Variants in COL25A1 observed in about 807,000 individuals in gnomAD.
COL25A1 encodes the protein collagen alpha-1(XXV) chain.
In COL25A1, 103 loss-of-function variants were observed where a neutral mutation model predicts 128.4. That is an observed-to-expected ratio of 0.80 (90% CI 0.68 to 0.94). COL25A1 has a LOEUF of 0.94. COL25A1 is among the 40% of genes least tolerant of loss of function. COL25A1 has a pLI of 0.00. For missense variants in COL25A1, 745 were observed against 840.0 expected (o/e 0.89, Z 1.40); for synonymous variants, 279 against 277.2 (o/e 1.01, Z -0.06).
intron 22 of COL25A1, 64 bp from the exon 23 acceptor site, chr4:108,861,035 G>A (rs1737149165): frequency 7.0e-7 from 1 of 1,423,806 alleles, no homozygotes; most frequent in South Asian, 1.1e-5. Flanking sequence ...TCTCGTGTAA[G>A]AACATGTTTA....
chr4:109,120,689 G>A (rs1380170224), intron 3 of COL25A1, among the ~76,000 whole-genome samples: 2 of 151,832 alleles, frequency 1.3e-5, no homozygotes, highest in Non-Finnish European at 2.9e-5. Flanking sequence ...TGCACCTGTT[G>A]TCTCAGCTAC....
At chr4:108,835,474 A>G (rs1178444890) in intron 31 of COL25A1, among the ~76,000 whole-genome samples, 1 of 152,222 alleles carries the variant, frequency 6.6e-6, no homozygotes, top group African/African-American at 2.4e-5. Flanking sequence ...GTTATTCTAC[A>G]TACATTTTGA....
chr4:108,928,991 G>A (rs1746412948), intron 11 of COL25A1, among the ~76,000 whole-genome samples: 1 of 152,182 alleles, frequency 6.6e-6, no homozygotes. Context: ...AACCTTGGCT[G>A]TTTCCTTTTC....
intron 3 of COL25A1, among the ~76,000 whole-genome samples, chr4:109,078,899 G>A (rs1763604723): frequency 6.6e-6 from 1 of 152,192 alleles, no homozygotes; most frequent in Non-Finnish European, 1.5e-5. Flanking sequence ...TGTGAGTTCT[G>A]GGGAAAGAGT....
At chr4:108,876,333 A>G (rs535456209) in intron 19 of COL25A1, among the ~76,000 whole-genome samples, 1 of 152,146 alleles carries the variant, frequency 6.6e-6, no homozygotes, top group East Asian at 1.9e-4. Flanking sequence ...AGAGGAAGAC[A>G]AGAGGAGAGA....
At chr4:109,109,131 A>T (rs1766742402) in intron 3 of COL25A1, among the ~76,000 whole-genome samples, 1 of 151,884 alleles carries the variant, frequency 6.6e-6, no homozygotes, top group South Asian at 2.1e-4. Context: ...TTGCTCTATC[A>T]CCCAGGCTTT....
In COL25A1 at chr4:109,128,405, T is replaced by C. The variant is rs146763619; in HGVS notation, c.368-78226A>G. 1.1e-4 allele frequency among the ~76,000 whole-genome samples: 16 copies of C among 152,248 alleles called. No homozygotes were observed. The East Asian group carries it at 2.5e-3, about 24-fold the overall frequency. On this transcript the variant is annotated intron_variant, in intron 3 of 37. Coordinates refer to ENST00000399132, the MANE Select transcript of COL25A1 (RefSeq NM_198721.4). ...GACAAAGCTTTGCTTCCCAAACCTA[T>C]CACAAATCAGAAAATCTTTCAATCC...
chr4:108,929,030 G>C (rs1746417442), intron 11 of COL25A1, among the ~76,000 whole-genome samples: 3 of 152,188 alleles, frequency 2.0e-5, no homozygotes, highest in Non-Finnish European at 4.4e-5. Flanking sequence ...GAAATGCTAA[G>C]CTAAATGATT....
intron 13 of COL25A1, among the ~76,000 whole-genome samples, chr4:108,902,169 G>A (rs1742918989): frequency 6.6e-6 from 1 of 151,946 alleles, no homozygotes; most frequent in African/African-American, 2.4e-5. Flanking sequence ...GTCACCTGGA[G>A]GGCAAGAATT....
intron 18 of COL25A1, among the ~76,000 whole-genome samples, chr4:108,888,474 G>A (rs905435439): frequency 6.6e-6 from 1 of 152,182 alleles, no homozygotes; most frequent in East Asian, 1.9e-4. Context: ...TCTAAAATCT[G>A]ACTGTATGGG....
At chr4:108,942,044 A>G (rs1033617682) in intron 8 of COL25A1, among the ~76,000 whole-genome samples, 3 of 152,146 alleles carry the variant, frequency 2.0e-5, no homozygotes, top group Non-Finnish European at 4.4e-5. Flanking sequence ...CACCCTCTTA[A>G]TAGATATTTG....
At chr4:109,066,611 T>G (rs1762474755) in intron 3 of COL25A1, among the ~76,000 whole-genome samples, 1 of 152,178 alleles carries the variant, frequency 6.6e-6, no homozygotes, top group Non-Finnish European at 1.5e-5. Context: ...TATAAATAGA[T>G]ACTTGGTGAA....
rs113166299 is a variant in COL25A1, at chr4:109,167,777, C to G, written c.368-117598G>C. Among the ~76,000 whole-genome samples the G allele has an allele frequency of 1.4e-3, 210 of 152,020 alleles. 1 individual carries two copies. Among genetic ancestry groups the G allele is most frequent in the African/African-American group, 4.9e-3 (204 of 41,462 alleles). On this transcript the variant is annotated intron_variant, in intron 3 of 37. Coordinates refer to ENST00000399132, the MANE Select transcript of COL25A1 (RefSeq NM_198721.4). Reference sequence around the variant, plus strand: ...TCTAGAAGAAAAGACTAGCATTGAACAAGTCAAAGGAAAAAAATGGAGAGG... The same window carrying G: ...TCTAGAAGAAAAGACTAGCATTGAAGAAGTCAAAGGAAAAAAATGGAGAGG...
At chr4:109,197,288 T>C (rs1379783878) in intron 3 of COL25A1, among the ~76,000 whole-genome samples, 4 of 145,988 alleles carry the variant, frequency 2.7e-5, no homozygotes, top group Non-Finnish European at 5.9e-5. Flanking sequence ...ATCACACCAC[T>C]GCACTTCAGC....
chr4:109,264,229 A>G (rs1358583680), intron 3 of COL25A1, among the ~76,000 whole-genome samples: 2 of 152,184 alleles, frequency 1.3e-5, no homozygotes, highest in African/African-American at 4.8e-5. Flanking sequence ...ACAACAGAAA[A>G]TAGTGCGACC....
intron 35 of COL25A1, chr4:108,823,775 G>T: frequency 2.5e-6 from 1 of 400,578 alleles, no homozygotes; most frequent in Non-Finnish European, 4.0e-6. Context: ...TCTCTACTGG[G>T]AAGTAGTGAA....
chr4:109,216,219 C>G (rs1321640455), intron 3 of COL25A1, among the ~76,000 whole-genome samples: 1 of 150,580 alleles, frequency 6.6e-6, no homozygotes, highest in African/African-American at 2.4e-5. Flanking sequence ...GTCGGGCACA[C>G]AGCAGATGTT....
chr4:109,287,995 G>C (rs76630676), intron 3 of COL25A1, among the ~76,000 whole-genome samples: 3,435 of 151,598 alleles, frequency 0.023, 137 homozygotes, highest in African/African-American at 0.077. Flanking sequence ...AGTAAGATGG[G>C]AACTGGCTGG....
intron 3 of COL25A1, among the ~76,000 whole-genome samples, chr4:109,118,474 T>C (rs1359720578): frequency 6.6e-6 from 1 of 151,946 alleles, no homozygotes; most frequent in East Asian, 1.9e-4. Flanking sequence ...CATAAATATA[T>C]ATAATTATTA....
Sources: allele counts gnomAD v4.1 joint callset (sites outside exome capture counted in the v4.1 genomes callset), GRCh38; gene constraint gnomAD v4.1.1; transcripts MANE v1.5; gene names NCBI Gene and HGNC (gene_info 2026-07-23, HGNC 2026-07-21).